The following PDE4D variants were observed in gnomAD, a reference collection of about 807,000 sequenced individuals.
The protein encoded by PDE4D is 3',5'-cyclic-AMP phosphodiesterase 4D.
Under a neutral mutation model 87.4 loss-of-function variants are expected in PDE4D, and 24 were observed. The ratio of observed to expected loss-of-function variants is 0.27; its 90% CI spans 0.20 to 0.39. The LOEUF (loss-of-function observed/expected upper bound fraction) is 0.39. Among genes scored for constraint, PDE4D ranks in the 10% least tolerant of loss-of-function variants. The pLI is 1.00. For synonymous variants in PDE4D, 384 were observed against 383.2 expected (o/e 1.00, Z -0.02); for missense variants, 714 against 1,041.0 (o/e 0.69, Z 4.32).
intron 1 of PDE4D, among the ~76,000 whole-genome samples, chr5:59,838,461 G>A (rs930713789): frequency 1.3e-5 from 2 of 152,044 alleles, no homozygotes; most frequent in Non-Finnish European, 2.9e-5. Flanking sequence ...CTGACAGTTG[G>A]CATTCTTGCC....
Position 59,215,802 on chromosome 5 carries a change from G to A in PDE4D, c.622C>T (p.Arg208Trp), listed in dbSNP as rs775608955. ...ATATCACTGGCAATGGAGGAGTTCC[G>A]GGACATAGACTTTGGAGAGAGGTCA... ...DYDLSPKSMS[R>W]NSSIASDIHG... Residue 208 changes from arginine to tryptophan, a missense_variant, in exon 2 of 15, where the codon CGG (arginine) becomes TGG (tryptophan). Transcript: ENST00000340635. 41 of 1,613,468 alleles carry A rather than the reference G, an allele frequency of 2.5e-5. No individual in the cohort carries two copies. The Admixed American group carries it at 3.2e-4, about 12-fold the overall frequency.
chr5:60,042,254 C>T (rs1218220681), intron 2 of PDE4D, among the ~76,000 whole-genome samples: 1 of 152,164 alleles, frequency 6.6e-6, no homozygotes, highest in Non-Finnish European at 1.5e-5. Flanking sequence ...TAGATTCCTC[C>T]TCTCTGGGCA....
intron 1 of PDE4D, among the ~76,000 whole-genome samples, chr5:59,317,325 T>A (rs1268517566): frequency 6.6e-6 from 1 of 152,120 alleles, no homozygotes; most frequent in Non-Finnish European, 1.5e-5. Context: ...GCCTGTGTAA[T>A]CTGCCTTCTT....
At chr5:59,154,892 A>AAT (rs1221976035) in intron 5 of PDE4D, among the ~76,000 whole-genome samples, 2 of 152,278 alleles carry the variant, frequency 1.3e-5, no homozygotes, top group Admixed American at 6.5e-5. Flanking sequence ...CTGTTTCAAA[A>AAT]ATATATATAG....
At chr5:60,227,392 A>G (rs1745240952) in intron 1 of PDE4D, among the ~76,000 whole-genome samples, 1 of 152,080 alleles carries the variant, frequency 6.6e-6, no homozygotes, top group African/African-American at 2.4e-5. Flanking sequence ...TGTAAGTTCC[A>G]TGAGGTCAGG....
intron 1 of PDE4D, among the ~76,000 whole-genome samples, chr5:59,514,395 G>A (rs1021097680): frequency 9.9e-5 from 15 of 152,210 alleles, no homozygotes; most frequent in Admixed American, 5.9e-4. Context: ...GTGAGCCACC[G>A]CACCCGGCCT....
intron 1 of PDE4D, among the ~76,000 whole-genome samples, chr5:60,255,478 A>G (rs1748949375): frequency 6.6e-6 from 1 of 151,838 alleles, no homozygotes; most frequent in Non-Finnish European, 1.5e-5. Context: ...CAGTATCTCA[A>G]AATATTGGTC....
At chr5:60,459,945 TC>T (rs1284129357) in intron 1 of PDE4D, 3 of 734,458 alleles carry the variant, frequency 4.1e-6, no homozygotes, top group Non-Finnish European at 7.4e-6. Context: ...TATCTTTTTA[TC>T]CTTCCTCCTC....
chr5:59,931,725 G>A lies in PDE4D; in HGVS notation c.272+56763C>T, dbSNP rs572778845. 9.7e-5 allele frequency among the ~76,000 whole-genome samples: 12 copies of A among 124,096 alleles called. No individual in the cohort carries two copies. In the South Asian group the frequency reaches 1.3e-3, roughly 13 times the overall value. 81.4% of individuals were successfully genotyped at this position (124,096 alleles called of 152,430 possible). A position where few individuals can be genotyped will look rare whatever the true frequency, so the allele number is the denominator to read the frequency against. ...TTTTTTTTTTTTTCTTTTTTGAGAC[G>A]GAGTCTCACTCTGTCGCCCAGGCTG... On this transcript the variant is annotated intron_variant, in intron 3 of 16. Coordinates refer to the PDE4D transcript ENST00000502484.
At position 60,271,387 on chromosome 5, in the gene PDE4D, G is replaced by A. The variant is rs183884599; in HGVS notation, c.-89-85700C>T. ...AATAGCTACTATTACATGAGATCAAGCCCATAGAAATGTAATTGATCTAAT... is the reference window on the plus strand; with the variant it reads ...AATAGCTACTATTACATGAGATCAAACCCATAGAAATGTAATTGATCTAAT... On this transcript the variant is annotated intron_variant, in intron 1 of 16. Coordinates refer to the PDE4D transcript ENST00000502484. 2.7e-4 allele frequency among the ~76,000 whole-genome samples: 41 copies of A among 152,248 alleles called. No individual in the cohort carries two copies. The East Asian group carries it at 6.4e-3, about 24-fold the overall frequency.
chr5:59,703,373 C>T (rs1752893951), intron 1 of PDE4D, among the ~76,000 whole-genome samples: 1 of 152,100 alleles, frequency 6.6e-6, no homozygotes, highest in Admixed American at 6.5e-5. Context: ...TCCTTGGTGA[C>T]TTTCAGACAA....
chr5:59,466,933 C>T (rs533541739), intron 1 of PDE4D, among the ~76,000 whole-genome samples: 6 of 152,094 alleles, frequency 3.9e-5, no homozygotes, highest in African/African-American at 7.2e-5. Context: ...TTGAAGTCCT[C>T]GTACCTCAGA....
At chr5:59,535,083 G>T (rs1215109047) in intron 1 of PDE4D, among the ~76,000 whole-genome samples, 2 of 147,512 alleles carry the variant, frequency 1.4e-5, no homozygotes, top group South Asian at 2.3e-4. Flanking sequence ...GTGTGGGGGG[G>T]GGGTCCTCTA....
intron 1 of PDE4D, among the ~76,000 whole-genome samples, chr5:59,392,268 C>T (rs2153608700): frequency 6.6e-6 from 1 of 151,948 alleles, no homozygotes; most frequent in Non-Finnish European, 1.5e-5. Context: ...GCCAGCGCTG[C>T]TAGAATATAA....
At chr5:59,695,399 A>C (rs1321583402) in intron 1 of PDE4D, among the ~76,000 whole-genome samples, 1 of 152,088 alleles carries the variant, frequency 6.6e-6, no homozygotes, top group East Asian at 1.9e-4. Flanking sequence ...CTCTGTGCAT[A>C]ACACGTTATG....
intron 1 of PDE4D, among the ~76,000 whole-genome samples, chr5:59,222,694 C>T (rs1419075954): frequency 1.3e-5 from 2 of 152,142 alleles, no homozygotes; most frequent in African/African-American, 4.8e-5. Context: ...CAAAAATGTT[C>T]CTGTTAAGAT....
intron 1 of PDE4D, among the ~76,000 whole-genome samples, chr5:59,511,628 A>G (rs1040484004): frequency 5.3e-5 from 8 of 152,058 alleles, no homozygotes; most frequent in Non-Finnish European, 4.4e-5. Context: ...CTAGAAAACA[A>G]GTATAAAATT....
intron 1 of PDE4D, among the ~76,000 whole-genome samples, chr5:59,627,826 C>T (rs992910193): frequency 6.6e-6 from 1 of 152,122 alleles, no homozygotes; most frequent in Non-Finnish European, 1.5e-5. Context: ...AGAGGCTGAA[C>T]AAGGATGGTG....
intron 1 of PDE4D, among the ~76,000 whole-genome samples, chr5:59,425,066 A>T (rs1795004249): frequency 6.6e-6 from 1 of 152,226 alleles, no homozygotes; most frequent in Admixed American, 6.5e-5. Context: ...TGAAAGAATA[A>T]TAAGCCCTGA....
Sources: gnomAD v4.1 joint callset for allele counts (sites outside exome capture counted in the v4.1 genomes callset) on GRCh38, gnomAD v4.1.1 for gene constraint, MANE v1.5 for transcripts, NCBI Gene and HGNC (gene_info 2026-07-23, HGNC 2026-07-21) for gene names.